ALS2: variants seen among roughly 807,000 people sequenced by gnomAD.
The protein encoded by ALS2 is alsin.
A neutral mutation model predicts 203.4 loss-of-function variants in ALS2; 117 were observed. That is an observed-to-expected ratio of 0.58 (90% CI 0.50 to 0.67). The LOEUF (loss-of-function observed/expected upper bound fraction) is 0.67. Among genes scored for constraint, ALS2 ranks in the 30% least tolerant of loss-of-function variants. The pLI, the probability that ALS2 is intolerant of heterozygous loss-of-function variation, is 0.00. For synonymous variants in ALS2, 718 were observed against 725.9 expected (o/e 0.99, Z 0.17); for missense variants, 1,715 against 1,989.4 (o/e 0.86, Z 2.62).
intron 1 of ALS2, chr2:201,780,139 T>A (rs1694831228): frequency 6.6e-6 from 1 of 152,224 alleles, no homozygotes; most frequent in Non-Finnish European, 1.5e-5. Context: ...AGAGTGTTTT[T>A]TCTCTTCCAC....
chr2:201,751,323 C>G (rs376867645), intron 7 of ALS2, among the ~76,000 whole-genome samples: 2 of 152,282 alleles, frequency 1.3e-5, no homozygotes, highest in East Asian at 3.9e-4. Flanking sequence ...CTGCACTGCA[C>G]GCACATTTTC....
intron 4 of ALS2, chr2:201,759,373 CAAAT>C (rs1693618555): frequency 2.1e-6 from 2 of 954,622 alleles, no homozygotes; most frequent in African/African-American, 3.5e-5. Context: ...TGCCCTAAAA[CAAAT>C]AAATTCCTTG....
At chr2:201,738,629 T>C in intron 12 of ALS2, 41 bp downstream of exon 12, 4 of 1,579,352 alleles carry the variant, frequency 2.5e-6, no homozygotes, top group Non-Finnish European at 3.5e-6. Flanking sequence ...ATGTCATCTT[T>C]GGCGGAGAGA....
chr2:201,766,209 A>T (rs1018951692), intron 3 of ALS2, among the ~76,000 whole-genome samples: 6 of 152,218 alleles, frequency 3.9e-5, no homozygotes, highest in African/African-American at 1.4e-4. Flanking sequence ...TTAAAAAGTT[A>T]ATTTTTCATG....
At chr2:201,756,125 A>G (rs1486589919) in intron 5 of ALS2, among the ~76,000 whole-genome samples, 3 of 152,146 alleles carry the variant, frequency 2.0e-5, no homozygotes, top group Non-Finnish European at 4.4e-5. Context: ...ATATAAGTCT[A>G]TTAGTGGGAT....
rs776316712 is a variant in ALS2 at position 201,744,325 on chromosome 2, T to C, written c.2103A>G (p.Thr701=). The part of the protein sequence containing the change: ...YIASLHELAT[T]ERRFYSKLSD... Reference sequence around the variant, plus strand: ...TTAGTTTTGAATAGAATCGTCTTTCTGTAGTAGCTAACTCGTGGAGACTGG... The same window carrying C: ...TTAGTTTTGAATAGAATCGTCTTTCCGTAGTAGCTAACTCGTGGAGACTGG... Residue 701 remains threonine (T), a synonymous_variant, in exon 10 of 34, where the codon ACA becomes ACG. Coordinates refer to ENST00000264276, the MANE Select transcript of ALS2 (RefSeq NM_020919.4). The C allele has an allele frequency of 1.9e-6, 3 of 1,614,126 alleles. No individual in the cohort carries two copies. The highest frequency in any genetic ancestry group is 2.5e-6 in the Non-Finnish European group (3 of 1,179,988).
chr2:201,743,070 C>CAAAAAA (rs760707229), intron 10 of ALS2, among the ~76,000 whole-genome samples: 2 of 114,782 alleles, frequency 1.7e-5, no homozygotes, highest in Admixed American at 1.7e-4. Flanking sequence ...GACTCTGTCT[C>CAAAAAA]AAAAAAAAAA....
Position 201,727,355 on chromosome 2 carries a change from C to G in ALS2, c.2913-77G>C, listed in dbSNP as rs530497999. The G allele has an allele frequency of 1.4e-4, 168 of 1,221,004 alleles. No homozygotes were observed. The African/African-American group carries it at 1.9e-3, about 14-fold the overall frequency. 75.6% of individuals were successfully genotyped at this position (1,221,004 alleles called of 1,614,324 possible). A position where few individuals can be genotyped will look rare whatever the true frequency, so the allele number is the denominator to read the frequency against. On this transcript the variant is annotated intron_variant, in intron 16 of 33. Transcript: ENST00000264276. ...AGTATCGATCCTCAAATATGAAAAG[C>G]AACCTCTTTATTTCAAGAGGAACAG...
chr2:201,745,976 A>C (rs1183160562), intron 9 of ALS2, among the ~76,000 whole-genome samples: 2 of 152,158 alleles, frequency 1.3e-5, no homozygotes, highest in Non-Finnish European at 2.9e-5. Context: ...AATTTAATTA[A>C]ATTAAAAGTG....
At chr2:201,768,097 G>T (rs868405227) in intron 2 of ALS2, among the ~76,000 whole-genome samples, 2 of 152,116 alleles carry the variant, frequency 1.3e-5, no homozygotes, top group African/African-American at 4.8e-5. Flanking sequence ...AAAAGTACTT[G>T]ATGAGAACAA....
At chr2:201,747,544 G>A (rs1371535352) in intron 8 of ALS2, among the ~76,000 whole-genome samples, 2 of 146,986 alleles carry the variant, frequency 1.4e-5, no homozygotes, top group African/African-American at 2.5e-5. Context: ...TCCACCTCCC[G>A]GGTTCATGCC....
At position 201,719,728 on chromosome 2, in the gene ALS2, T is replaced by A. The variant is rs531019216; in HGVS notation, c.3703-1518A>T. 2.6e-5 allele frequency among the ~76,000 whole-genome samples: 4 copies of A among 152,378 alleles called. No homozygotes were observed. The East Asian group carries it at 5.8e-4, about 22-fold the overall frequency. ...CAAACAGGGAATGCTGTAGCCTTGA[T>A]CTTCGACTTCCCAGCTTGCAAAATT... On this transcript the variant is annotated intron_variant, in intron 23 of 33. Coordinates refer to ENST00000264276, the MANE Select transcript of ALS2 (RefSeq NM_020919.4).
chr2:201,751,035 T>C (rs1467736636), intron 7 of ALS2, among the ~76,000 whole-genome samples: 1 of 152,022 alleles, frequency 6.6e-6, no homozygotes, highest in African/African-American at 2.4e-5. Context: ...GTGTTTTTAG[T>C]AGAGATGGGG....
At chr2:201,763,711 A>G (rs1341418460) in intron 3 of ALS2, 3 of 154,934 alleles carry the variant, frequency 1.9e-5, no homozygotes, top group African/African-American at 7.2e-5. Flanking sequence ...AATTAATGAA[A>G]GGCACCAGTG....
intron 13 of ALS2, among the ~76,000 whole-genome samples, chr2:201,732,741 T>G (rs575943723): frequency 6.6e-6 from 1 of 152,316 alleles, no homozygotes; most frequent in East Asian, 1.9e-4. Flanking sequence ...CCTAGTGTGG[T>G]GCTAACTTCC....
intron 1 of ALS2, among the ~76,000 whole-genome samples, chr2:201,779,342 C>T (rs1415122585): frequency 6.6e-6 from 1 of 152,096 alleles, no homozygotes; most frequent in Admixed American, 6.5e-5. Context: ...ACAACTTTGA[C>T]GTTTTCTTGC....
intron 26 of ALS2, among the ~76,000 whole-genome samples, chr2:201,710,433 T>A (rs1490156113): frequency 2.8e-5 from 4 of 145,020 alleles, no homozygotes; most frequent in Non-Finnish European, 4.5e-5. Flanking sequence ...CCCCCATATC[T>A]AAAAAAAAAA....
At chr2:201,716,216 TG>T (rs1305440466) in intron 24 of ALS2, among the ~76,000 whole-genome samples, 1 of 151,386 alleles carries the variant, frequency 6.6e-6, no homozygotes, top group Non-Finnish European at 1.5e-5. Flanking sequence ...CAGACCAGCC[TG>T]GCCAACATGG....
In ALS2 at chr2:201,738,858, G is replaced by A. The variant is rs939657655; in HGVS notation, c.2352-123C>T. 23 of 867,842 alleles carry A rather than the reference G, an allele frequency of 2.7e-5. No individual in the cohort carries two copies. In the African/African-American group the frequency reaches 2.9e-4, roughly 11 times the overall value. 53.8% of individuals were successfully genotyped at this position (867,842 alleles called of 1,614,324 possible). A position where few individuals can be genotyped will look rare whatever the true frequency, so the allele number is the denominator to read the frequency against. ...CACCAATGAATTTCAGAAGTTTTGT[G>A]ATGTCAACATTTGTGAAGGGCAGGT... On this transcript the variant is annotated intron_variant, in intron 11 of 33. Transcript: ENST00000264276.
Sources: allele counts gnomAD v4.1 joint callset (sites outside exome capture counted in the v4.1 genomes callset), GRCh38; gene constraint gnomAD v4.1.1; transcripts MANE v1.5; gene names NCBI Gene and HGNC (gene_info 2026-07-23, HGNC 2026-07-21).